The following DECR1 variants were observed in gnomAD, a reference collection of about 807,000 sequenced individuals.
DECR1 encodes 2,4-dienoyl-CoA reductase [(3E)-enoyl-CoA-producing], mitochondrial.
A neutral mutation model predicts 38.8 loss-of-function variants in DECR1; 44 were observed. The observed-to-expected ratio is 1.13, with a 90% CI of 0.89 to 1.46. The LOEUF is 1.46. Among genes scored for constraint, DECR1 ranks in the 40% most tolerant of loss-of-function variants. DECR1 has a pLI of 0.00. For synonymous variants in DECR1, 148 were observed against 135.2 expected, an observed-to-expected ratio of 1.09 and a Z score of -0.66; for missense variants, 428 against 405.5, an observed-to-expected ratio of 1.06 and a Z score of -0.48.
intron 5 of DECR1, among the ~76,000 whole-genome samples, chr8:90,033,468 T>C (rs1472807558): frequency 6.6e-6 from 1 of 152,202 alleles, no homozygotes; most frequent in Non-Finnish European, 1.5e-5. Context: ...ACTGAAATAA[T>C]GGGCCTCTGT....
rs137876000 is a variant in DECR1, at chr8:90,042,763, G to A, written c.701G>A (p.Arg234Gln). 153 of 1,613,484 alleles carry A rather than the reference G, an allele frequency of 9.5e-5. No individual in the cohort carries two copies. The East Asian group carries it at 2.4e-3, about 25-fold the overall frequency. ...GCTGAATGGGGTAAATATGGAATGC[G>A]ATTCAATGTGATTCAACCAGGGCCT... ...LAAEWGKYGMRFNVIQPGPIK... is the reference protein window; with the variant it reads ...LAAEWGKYGMQFNVIQPGPIK... The change falls in exon 7 of 10, where the codon CGA (arginine) becomes CAA (glutamine). Residue 234 changes from arginine to glutamine, a missense_variant. Transcript: ENST00000220764.
At chr8:90,046,163 C>T (rs10956431) in intron 8 of DECR1, among the ~76,000 whole-genome samples, 43,869 of 152,082 alleles carry the variant, frequency 0.29, 6,382 homozygotes, top group East Asian at 0.39. Flanking sequence ...TCGCCAGCAA[C>T]GGAACAAAGC....
intron 1 of DECR1, chr8:90,016,901 T>C (rs1455512802): frequency 4.4e-6 from 2 of 449,736 alleles, no homozygotes; most frequent in Admixed American, 7.7e-5. Flanking sequence ...GAAAGTTACA[T>C]AGCTTGGGAG....
chr8:90,045,635 A>C (rs1049724032), intron 8 of DECR1, among the ~76,000 whole-genome samples: 3 of 152,222 alleles, frequency 2.0e-5, no homozygotes, highest in African/African-American at 7.2e-5. Context: ...AAGGCAGCAG[A>C]AACTTCTGCA....
chr8:90,016,989 A>G lies in DECR1; in HGVS notation c.70-135A>G, dbSNP rs552313015. 2.5e-4 allele frequency: 163 copies of G among 642,768 alleles called. No homozygotes were observed. In the South Asian group the frequency reaches 3.0e-3, roughly 12 times the overall value. 39.8% of individuals were successfully genotyped at this position (642,768 alleles called of 1,614,324 possible). ...AAACAAAGAATAATAATTAAGTACA[A>G]TACCAATATGTTTGCAGTGAGTTTG... On this transcript the variant is annotated intron_variant, in intron 1 of 9. Transcript: ENST00000220764.
chr8:90,035,070 A>G (rs1337179456), intron 5 of DECR1, among the ~76,000 whole-genome samples: 1 of 152,156 alleles, frequency 6.6e-6, no homozygotes, highest in African/African-American at 2.4e-5. Flanking sequence ...ATTTTTAGAA[A>G]TGAGAAGACA....
At chr8:90,033,539 T>C (rs1351387130) in intron 5 of DECR1, among the ~76,000 whole-genome samples, 1 of 152,170 alleles carries the variant, frequency 6.6e-6, no homozygotes. Context: ...CTTTGCACTT[T>C]AGCACCACTG....
intron 6 of DECR1, among the ~76,000 whole-genome samples, chr8:90,040,028 G>T (rs186353994): frequency 1.3e-5 from 2 of 152,120 alleles, no homozygotes; most frequent in Admixed American, 1.3e-4. Flanking sequence ...ATATCAGCTA[G>T]CTTAATGACA....
chr8:90,045,547 GAGCCCACCAC>G (rs922917938), intron 8 of DECR1, among the ~76,000 whole-genome samples: 12 of 152,216 alleles, frequency 7.9e-5, no homozygotes, highest in Admixed American at 5.9e-4. Flanking sequence ...AAACTGGGTG[GAGCCCACCAC>G]AGCTCAAGGA....
At chr8:90,038,976 T>C (rs1232931493) in intron 6 of DECR1, among the ~76,000 whole-genome samples, 1 of 152,222 alleles carries the variant, frequency 6.6e-6, no homozygotes, top group African/African-American at 2.4e-5. Flanking sequence ...CTCTTCAGTC[T>C]TGTTAGAGCT....
In DECR1 at chr8:90,018,835, A is replaced by G. The variant is rs1813074252; in HGVS notation, c.273-74A>G. The G allele has an allele frequency of 7.2e-6, 8 of 1,107,108 alleles. No individual in the cohort carries two copies. The East Asian group carries it at 1.2e-4, about 16-fold the overall frequency. 68.6% of individuals were successfully genotyped at this position (1,107,108 alleles called of 1,614,324 possible). On this transcript the variant is annotated intron_variant, in intron 2 of 9. Coordinates refer to ENST00000220764, the MANE Select transcript of DECR1 (RefSeq NM_001359.2). ...TCTCAGAAATGCTTTTCTTTAAGCT[A>G]TGGATTCTCTGTATTCTTCAATTTA...
At chr8:90,015,423 C>T (rs1304915201) in intron 1 of DECR1, 1 of 301,364 alleles carries the variant, frequency 3.3e-6, no homozygotes, top group Non-Finnish European at 6.7e-6. Context: ...GTTGTTATTT[C>T]CTTCTAGTCT....
intron 8 of DECR1, among the ~76,000 whole-genome samples, chr8:90,046,194 C>T (rs74222831): frequency 3.3e-5 from 5 of 152,278 alleles, no homozygotes; most frequent in East Asian, 1.9e-4. Context: ...ATGACTTTGA[C>T]GAGTTGAGAG....
At chr8:90,002,506 ATATC>A (rs1563608881) in intron 1 of DECR1, among the ~76,000 whole-genome samples, 2 of 148,246 alleles carry the variant, frequency 1.3e-5, no homozygotes, top group African/African-American at 5.3e-5. Context: ...AGAAGCAATA[ATATC>A]CAAGACAAGC....
chr8:90,043,636 T>TA (rs11382311), intron 7 of DECR1, among the ~76,000 whole-genome samples: 81,198 of 152,034 alleles, frequency 0.53, 25,129 homozygotes, highest in African/African-American at 0.86. Context: ...CTCTGGGTAT[T>TA]AAAAATAACT....
At chr8:90,017,092 T>C in intron 1 of DECR1, 32 bp from the exon 2 acceptor site, 1 of 1,496,990 alleles carries the variant, frequency 6.7e-7, no homozygotes, top group Non-Finnish European at 9.2e-7. Flanking sequence ...GAAATATATG[T>C]ATGCAAATTT....
intron 1 of DECR1, among the ~76,000 whole-genome samples, chr8:90,008,616 C>G (rs1295243095): frequency 6.6e-6 from 1 of 152,018 alleles, no homozygotes; most frequent in East Asian, 1.9e-4. Context: ...AGATCAAGAA[C>G]AAAAGTCCAA....
chr8:90,019,297 GC>G, intron 4 of DECR1, 125 bp downstream of exon 4: 2 of 742,170 alleles, frequency 2.7e-6, no homozygotes, highest in Non-Finnish European at 4.4e-6. Context: ...CTGGGGCTTA[GC>G]CTGGGAAGGT....
intron 7 of DECR1, 41 bp downstream of exon 7, chr8:90,042,841 A>C (rs1467297827): frequency 6.6e-7 from 1 of 1,509,066 alleles, no homozygotes; most frequent in Non-Finnish European, 9.2e-7. Flanking sequence ...TGAATGATTA[A>C]ATAATGAAAC....
Sources: gnomAD v4.1 joint callset for allele counts (sites outside exome capture counted in the v4.1 genomes callset) on GRCh38, gnomAD v4.1.1 for gene constraint, MANE v1.5 for transcripts, NCBI Gene and HGNC (gene_info 2026-07-23, HGNC 2026-07-21) for gene names.